Variants in NMRAL1 observed in about 807,000 individuals in gnomAD.
The protein encoded by NMRAL1 is NmrA like redox sensor 1.
NMRAL1 carries 32 observed loss-of-function variants against 27.5 expected under a neutral mutation model. The ratio of observed to expected loss-of-function variants is 1.16; its 90% confidence interval spans 0.88 to 1.56. The LOEUF is 1.56. NMRAL1 is among the 40% of genes most tolerant of loss of function. The probability of loss-of-function intolerance (pLI) is 0.00; values close to 1 mark genes in which losing one functional copy is unlikely to be tolerated. For synonymous variants in NMRAL1, 166 were observed against 166.8 expected (o/e 1.00, Z 0.04); for missense variants, 420 against 392.0 (o/e 1.07, Z -0.60).
Position 4,461,931 on chromosome 16 carries a change from C to T in NMRAL1, c.749G>A (p.Gly250Asp). Reference sequence around the variant, plus strand: ...GGCCAGGTCCCGGGCACCGGGAAAGCCAAGCTTTTCGTAGTCCTCAGGAGT... The same window carrying T: ...GGCCAGGTCCCGGGCACCGGGAAAGTCAAGCTTTTCGTAGTCCTCAGGAGT... ...KMTPEDYEKL[G>D]FPGARDLANM... Residue 250 changes from glycine (G) to aspartate (D), a missense_variant, in exon 6 of 6, where the codon GGC becomes GAC. Coordinates refer to ENST00000283429, the MANE Select transcript of NMRAL1 (RefSeq NM_020677.6). The T allele has an allele frequency of 6.2e-7, 1 of 1,613,864 alleles. No individual in the cohort carries two copies. Among genetic ancestry groups the T allele is most frequent in the Non-Finnish European group, 8.5e-7 (1 of 1,179,872 alleles).
intron 5 of NMRAL1, chr16:4,463,334 T>G: frequency 1.3e-5 from 5 of 389,834 alleles, no homozygotes; most frequent in South Asian, 8.3e-5. Flanking sequence ...AGGGGAGGGG[T>G]CGGGTCTATC....
In NMRAL1 at chr16:4,463,683, G is replaced by A. The variant is rs751529678; in HGVS notation, c.697C>T (p.Arg233Cys). The stretch of plus-strand genomic sequence containing the variant: ...ACCTTGGCATCGTGCACGACCTTGC[G>A]GGTGTGCTTGGTGAGCAGGGCAGCG... ...EYAALLTKHT[R>C]KVVHDAKMTP... is the part of the protein sequence containing the mutation. The change falls in exon 5 of 6, where the codon CGC (arginine) becomes TGC (cysteine). Residue 233 changes from arginine (R) to cysteine (C), a missense_variant. By Grantham distance (180) the Arg-to-Cys change is radical (BLOSUM62 -3). Coordinates refer to ENST00000283429, the MANE Select transcript of NMRAL1 (RefSeq NM_020677.6). 14 of 1,613,882 alleles carry A rather than the reference G, an allele frequency of 8.7e-6. No homozygotes were observed. The highest frequency in any genetic ancestry group is 6.7e-5 in the East Asian group (3 of 44,882).
chr16:4,467,436 G>A (rs2057372019), intron 3 of NMRAL1, among the ~76,000 whole-genome samples: 1 of 151,534 alleles, frequency 6.6e-6, no homozygotes, highest in South Asian at 2.1e-4. Context: ...GTTTTGCTGT[G>A]TTGGCCAGGC....
chr16:4,462,029 G>T, intron 5 of NMRAL1, 70 bp from the exon 6 acceptor site: 1 of 1,357,820 alleles, frequency 7.4e-7, no homozygotes, highest in South Asian at 1.3e-5. Context: ...CAGGGAGGCC[G>T]GATGGGCTGG....
intron 5 of NMRAL1, chr16:4,463,336 G>A (rs768685780): frequency 2.1e-4 from 86 of 408,658 alleles, no homozygotes; most frequent in Middle Eastern, 6.5e-4. Context: ...GGGAGGGGTC[G>A]GGTCTATCTT....
At chr16:4,468,170 C>T (rs886441427) in intron 3 of NMRAL1, among the ~76,000 whole-genome samples, 3 of 151,982 alleles carry the variant, frequency 2.0e-5, no homozygotes, top group African/African-American at 4.8e-5. Context: ...GGCATGGTGA[C>T]GCATGCATGT....
chr16:4,473,966 C>A, intron 2 of NMRAL1, 127 bp downstream of exon 2: 1 of 660,522 alleles, frequency 1.5e-6, no homozygotes. Context: ...CTCGTTCCTG[C>A]GACCACAGCC....
upstream of NMRAL1, among the ~76,000 whole-genome samples, chr16:4,475,130 T>G (rs1388154555): frequency 6.6e-6 from 1 of 151,238 alleles, no homozygotes; most frequent in African/African-American, 2.4e-5. Flanking sequence ...TTTTGTATTT[T>G]TTAGTAGAGA....
chr16:4,463,316 C>T (rs949714934), intron 5 of NMRAL1: 2 of 369,384 alleles, frequency 5.4e-6, no homozygotes, highest in African/African-American at 4.3e-5. Context: ...CTTTAAATCC[C>T]CTCCCACAGG....
rs576474948 is a variant in NMRAL1, at chr16:4,463,813, G to A, written c.567C>T (p.Ser189=). The A allele has an allele frequency of 1.2e-5, 20 of 1,613,752 alleles. No homozygotes were observed. Among genetic ancestry groups the A allele is most frequent in the East Asian group, 2.2e-5 (1 of 44,864 alleles). Residue 189 remains serine (S), a synonymous_variant, in exon 5 of 6, where the codon TCC becomes TCT. Transcript: ENST00000283429. ...PTGDVPMDGM[S]VSDLGPVVLS... ...GCACCACAGGACCCAGGTCAGACAC[G>A]GACATGCCATCCATGGGAACGTCAC...
intron 2 of NMRAL1, among the ~76,000 whole-genome samples, chr16:4,473,465 T>C (rs973937681): frequency 6.6e-6 from 1 of 152,110 alleles, no homozygotes; most frequent in African/African-American, 2.4e-5. Context: ...TGAAATAATA[T>C]GCTATCATTT....
rs1464548474 is a variant in NMRAL1 at position 4,465,158 on chromosome 16, C to T, written c.529+995G>A. On this transcript the variant is annotated intron_variant, in intron 4 of 5. Transcript: ENST00000283429. Reference sequence around the variant, plus strand: ...CAAACTCCTGAACTGGTGGTCTGCCCACCTCGGCTTCCCAAAGTGCTGGGA... The same window carrying T: ...CAAACTCCTGAACTGGTGGTCTGCCTACCTCGGCTTCCCAAAGTGCTGGGA... 3.3e-5 allele frequency among the ~76,000 whole-genome samples: 5 copies of T among 152,112 alleles called. No individual in the cohort carries two copies. In the East Asian group the frequency reaches 9.6e-4, roughly 29 times the overall value.
At chr16:4,470,764 G>A (rs1445486679) in intron 2 of NMRAL1, among the ~76,000 whole-genome samples, 16 of 151,900 alleles carry the variant, frequency 1.1e-4, no homozygotes, top group Admixed American at 6.6e-4. Flanking sequence ...TGGCTAACAC[G>A]GTGAAACCCT....
At chr16:4,475,546 A>T (rs1237931070), upstream of NMRAL1, among the ~76,000 whole-genome samples, 1 of 151,296 alleles carries the variant, frequency 6.6e-6, no homozygotes. Context: ...TGCTGACCTC[A>T]AGTGATCTTC....
chr16:4,476,207 T>G (rs1195167492), upstream of NMRAL1: 1 of 152,296 alleles, frequency 6.6e-6, no homozygotes, highest in Admixed American at 6.5e-5. Flanking sequence ...TTGTGAACAC[T>G]AGTGTTCCTG....
chr16:4,462,054 C>G (rs2057134196), intron 5 of NMRAL1, 95 bp from the exon 6 acceptor site: 1 of 993,240 alleles, frequency 1.0e-6, no homozygotes, highest in Non-Finnish European at 1.5e-6. Context: ...TCCCGACCTG[C>G]TACACCCAGA....
intron 4 of NMRAL1, among the ~76,000 whole-genome samples, chr16:4,464,732 A>G (rs1348268561): frequency 6.7e-6 from 1 of 148,652 alleles, no homozygotes; most frequent in African/African-American, 2.5e-5. Context: ...CTCCTGCCTC[A>G]GCCTCCCGAG....
chr16:4,472,450 A>G lies in NMRAL1; in HGVS notation c.40+1643T>C, dbSNP rs148136404. Among the ~76,000 whole-genome samples, 215 of 152,216 alleles carry G rather than the reference A, an allele frequency of 1.4e-3. 5 individuals are homozygous for G. The highest frequency in any genetic ancestry group is 0.013 in the Admixed American group (196 of 15,270). On this transcript the variant is annotated intron_variant, in intron 2 of 5. Transcript: ENST00000283429. ...AGAGAGAAACTCTGTCTTAAAAATAAAAAAGTAAAGTTGGCCGGGCGCGGT... is the reference window on the plus strand; with the variant it reads ...AGAGAGAAACTCTGTCTTAAAAATAGAAAAGTAAAGTTGGCCGGGCGCGGT...
In NMRAL1 at chr16:4,469,340, GCACTACTT is replaced by G; in HGVS notation, c.158_165del (p.Glu53AlafsTer6). On this transcript the variant is annotated frameshift_variant, in exon 3 of 6. Coordinates refer to ENST00000283429, the MANE Select transcript of NMRAL1 (RefSeq NM_020677.6). LOFTEE classifies it high-confidence loss of function. The stretch of plus-strand genomic sequence containing the variant: ...ATGACCTGGTCATCTTGGTCTCCCT[GCACTACTT>G]CTGCACCTTGCAGCCTCAGCTCCTT... 1 of 1,613,996 alleles carries G rather than the reference GCACTACTT, an allele frequency of 6.2e-7. No individual in the cohort carries two copies. The highest frequency in any genetic ancestry group is 1.1e-5 in the South Asian group (1 of 91,082).
Sources: allele counts gnomAD v4.1 joint callset (sites outside exome capture counted in the v4.1 genomes callset), GRCh38; gene constraint gnomAD v4.1.1; transcripts MANE v1.5; gene names NCBI Gene and HGNC (gene_info 2026-07-23, HGNC 2026-07-21).